The following PSD3 variants were observed in gnomAD, a reference collection of about 807,000 sequenced individuals.
PSD3 encodes PH and SEC7 domain-containing protein 3.
In PSD3, 49 loss-of-function variants were observed where a neutral mutation model predicts 105.5. That is an observed-to-expected ratio of 0.46 (90% confidence interval 0.37 to 0.59). The LOEUF is 0.59. Ranked by LOEUF, PSD3 falls within the 20% of genes least tolerant of loss-of-function variation. The pLI, the probability that PSD3 is intolerant of heterozygous loss-of-function variation, is 0.00. For synonymous variants in PSD3, 557 were observed against 457.8 expected (o/e 1.22, Z -2.77); for missense variants, 1,561 against 1,263.8 (o/e 1.24, Z -3.57).
In PSD3 at chr8:18,923,418, G is replaced by C. The variant is rs563709338; in HGVS notation, c.130+12616C>G. On this transcript the variant is annotated intron_variant, in intron 2 of 15. Transcript: ENST00000327040. The stretch of plus-strand genomic sequence containing the variant: ...ACTTTGAAAATCCTAGAAATTTTAA[G>C]AGGAAACTCAGAGGGAAGACCAAAT... 3.9e-5 allele frequency among the ~76,000 whole-genome samples: 6 copies of C among 152,288 alleles called. No homozygotes were observed. The East Asian group carries it at 1.2e-3, about 29-fold the overall frequency.
intron 12 of PSD3, among the ~76,000 whole-genome samples, chr8:18,586,227 G>T (rs988313741): frequency 2.0e-5 from 3 of 152,156 alleles, no homozygotes; most frequent in African/African-American, 7.2e-5. Flanking sequence ...GCTGGGATGG[G>T]AGTAGTGAAA....
rs372086950 is a variant in PSD3 at position 18,867,867 on chromosome 8, T to C, written c.1441A>G (p.Met481Val). The change falls in exon 4 of 16, where the codon ATG becomes GTG. Residue 481 changes from methionine to valine, a missense_variant. By Grantham distance (21) the Met-to-Val change is conservative (BLOSUM62 1). Coordinates refer to ENST00000327040, the MANE Select transcript of PSD3 (RefSeq NM_015310.4). ...YFSFEMPLTP[M>V]IQQRIKEGGQ... ...CCTTCTTTAATGCGCTGTTGTATCA[T>C]TGGAGTGAGGGGCATTTCAAAGCTA... 27 of 1,614,072 alleles carry C rather than the reference T, an allele frequency of 1.7e-5. No individual in the cohort carries two copies. Among genetic ancestry groups the C allele is most frequent in the African/African-American group, 4.0e-5 (3 of 74,926 alleles).
At position 18,572,565 on chromosome 8, in the gene PSD3, C is replaced by A. The variant is rs544777165; in HGVS notation, c.2747G>T (p.Arg916Leu). The A allele has an allele frequency of 1.9e-6, 3 of 1,613,814 alleles. No homozygotes were observed. The highest frequency in any genetic ancestry group is 2.5e-6 in the Non-Finnish European group (3 of 1,179,848). Reference sequence around the variant, plus strand: ...TGTTGTAGTGGCAGGCAGAAGTGGGCGGCTAAACTTCTTCTGAGAGCCGAT... The same window carrying A: ...TGTTGTAGTGGCAGGCAGAAGTGGGAGGCTAAACTTCTTCTGAGAGCCGAT... ...AAIGSQKKFS[R>L]PLLPATTTKL... is the part of the protein sequence containing the mutation. The change falls in exon 14 of 16, where the codon CGC (arginine) becomes CTC (leucine). Residue 916 changes from arginine to leucine, a missense_variant. Transcript: ENST00000327040.
intron 4 of PSD3, among the ~76,000 whole-genome samples, chr8:18,850,321 A>G (rs1815459437): frequency 6.6e-6 from 1 of 152,192 alleles, no homozygotes. Context: ...CTGTCATGAC[A>G]TCCTTTCTCC....
chr8:18,667,552 C>A (rs979630377), intron 9 of PSD3, among the ~76,000 whole-genome samples: 6 of 152,214 alleles, frequency 3.9e-5, no homozygotes, highest in African/African-American at 7.2e-5. Flanking sequence ...GGCGTGTTTA[C>A]AATCCCTTAC....
At chr8:18,997,008 C>T (rs959619606) in intron 1 of PSD3, among the ~76,000 whole-genome samples, 5 of 151,890 alleles carry the variant, frequency 3.3e-5, no homozygotes, top group East Asian at 1.9e-4. Context: ...TCCCCTCATT[C>T]GCTGCTTTCC....
At chr8:18,926,114 T>TG (rs1221295720) in intron 2 of PSD3, among the ~76,000 whole-genome samples, 3 of 147,982 alleles carry the variant, frequency 2.0e-5, no homozygotes, top group South Asian at 2.1e-4. Context: ...GGTATGTTGT[T>TG]TTTTTTTTTT....
At chr8:18,945,192 G>A (rs1000238905) in intron 1 of PSD3, among the ~76,000 whole-genome samples, 25 of 152,146 alleles carry the variant, frequency 1.6e-4, no homozygotes, top group African/African-American at 6.0e-4. Flanking sequence ...ACCTTACATG[G>A]CATAGCCTTT....
chr8:18,950,636 C>T (rs1227117308), intron 1 of PSD3, among the ~76,000 whole-genome samples: 1 of 152,164 alleles, frequency 6.6e-6, no homozygotes, highest in East Asian at 1.9e-4. Flanking sequence ...AGTATTTGCC[C>T]TTTTATGCCC....
chr8:19,057,934 C>A (rs1184776441), intron 1 of PSD3, among the ~76,000 whole-genome samples: 1 of 152,142 alleles, frequency 6.6e-6, no homozygotes, highest in Non-Finnish European at 1.5e-5. Flanking sequence ...CTATCCCACT[C>A]CTATTTTCCC....
At chr8:18,823,780 TCACACA>T (rs3042864) in intron 4 of PSD3, among the ~76,000 whole-genome samples, 3 of 66,100 alleles carry the variant, frequency 4.5e-5, no homozygotes, top group Non-Finnish European at 8.4e-5. Flanking sequence ...TTAAACACAC[TCACACA>T]CACACACACA....
chr8:18,798,222 A>G (rs933326156), intron 8 of PSD3, among the ~76,000 whole-genome samples: 1 of 152,042 alleles, frequency 6.6e-6, no homozygotes, highest in African/African-American at 2.4e-5. Flanking sequence ...TTTCATCTGT[A>G]TTATCTCTGG....
rs550205519 is a variant in PSD3 at position 18,604,806 on chromosome 8, G to C, written c.2411-4372C>G. 1.8e-4 allele frequency among the ~76,000 whole-genome samples: 27 copies of C among 152,272 alleles called. No individual in the cohort carries two copies. The East Asian group carries it at 5.2e-3, about 29-fold the overall frequency. On this transcript the variant is annotated intron_variant, in intron 11 of 15. Transcript: ENST00000327040. ...TCCAGGTTCAGCCATGGCTCAAAGG[G>C]GCCTGGGTACAGCTTGGGCTGCTGC...
In PSD3 at chr8:18,746,175, A is replaced by G. The variant is rs918503926; in HGVS notation, c.2172+19274T>C. On this transcript the variant is annotated intron_variant, in intron 9 of 15. Coordinates refer to ENST00000327040, the MANE Select transcript of PSD3 (RefSeq NM_015310.4). ...CCTAATTGGTTTCCTACCCTTTCCTAATTGGTTTTTCTACACTGTCCTGCC... is the reference window on the plus strand; with the variant it reads ...CCTAATTGGTTTCCTACCCTTTCCTGATTGGTTTTTCTACACTGTCCTGCC... 7.2e-5 allele frequency among the ~76,000 whole-genome samples: 11 copies of G among 151,774 alleles called. 1 individual carries two copies. Among genetic ancestry groups the G allele is most frequent in the Admixed American group, 7.2e-4 (11 of 15,238 alleles).
rs752619948 is a variant in PSD3 at position 18,872,172 on chromosome 8, T to C, written c.692A>G (p.Gln231Arg). ...LTGDTQAEIS[Q>R]IMNNGRKGAV... Reference sequence around the variant, plus strand: ...CCCTTTCCTCCCATTATTCATTATCTGGGAAATCTCTGCCTGAGTGTCTCC... The same window carrying C: ...CCCTTTCCTCCCATTATTCATTATCCGGGAAATCTCTGCCTGAGTGTCTCC... The change falls in exon 3 of 16, where the codon CAG (glutamine) becomes CGG (arginine). Residue 231 changes from glutamine to arginine, a missense_variant. Physicochemically the swap from Gln to Arg is conservative, Grantham distance 43. Transcript: ENST00000327040. 1 of 1,614,206 alleles carries C rather than the reference T, an allele frequency of 6.2e-7. No homozygotes were observed. The highest frequency in any genetic ancestry group is 8.5e-7 in the Non-Finnish European group (1 of 1,180,040).
chr8:18,813,648 C>T (rs1298765200), intron 4 of PSD3, among the ~76,000 whole-genome samples: 1 of 152,106 alleles, frequency 6.6e-6, no homozygotes, highest in Non-Finnish European at 1.5e-5. Flanking sequence ...TTAGAAGATG[C>T]CAAAAGCAAT....
In PSD3 at chr8:18,823,666, G is replaced by A. The variant is rs184480220; in HGVS notation, c.1635-18768C>T. Among the ~76,000 whole-genome samples, 64 of 152,160 alleles carry A rather than the reference G, an allele frequency of 4.2e-4. 1 individual carries two copies. Among genetic ancestry groups the A allele is most frequent in the African/African-American group, 1.5e-3 (63 of 41,526 alleles). On this transcript the variant is annotated intron_variant, in intron 4 of 15. Coordinates refer to ENST00000327040, the MANE Select transcript of PSD3 (RefSeq NM_015310.4). ...TCACTCCATAGCAACTAAAATACTT[G>A]CAGATGTAACTCTCATTGATACCAT...
At chr8:18,641,397 G>C (rs1807630611) in intron 10 of PSD3, among the ~76,000 whole-genome samples, 1 of 152,086 alleles carries the variant, frequency 6.6e-6, no homozygotes, top group African/African-American at 2.4e-5. Context: ...ACCCCTCGAG[G>C]GGTTCATCAT....
At chr8:18,827,640 G>T (rs189886035) in intron 4 of PSD3, among the ~76,000 whole-genome samples, 13 of 152,288 alleles carry the variant, frequency 8.5e-5, no homozygotes, top group Admixed American at 1.3e-4. Context: ...AAGAGGGTGA[G>T]ACTGAAGATG....
Sources: gnomAD v4.1 joint callset for allele counts (sites outside exome capture counted in the v4.1 genomes callset) on GRCh38, gnomAD v4.1.1 for gene constraint, MANE v1.5 for transcripts, NCBI Gene and HGNC (gene_info 2026-07-23, HGNC 2026-07-21) for gene names.